Variants in SLC35F3 observed in about 807,000 individuals in gnomAD.
SLC35F3 encodes the protein putative thiamine transporter SLC35F3.
A neutral mutation model predicts 49.9 loss-of-function variants in SLC35F3; 25 were observed. That is an observed-to-expected ratio of 0.50 (90% CI 0.37 to 0.70). The LOEUF (loss-of-function observed/expected upper bound fraction) is 0.70. Ranked by LOEUF, SLC35F3 falls within the 30% of genes least tolerant of loss-of-function variation. The probability of loss-of-function intolerance (pLI) is 0.00; values close to 1 mark genes in which losing one functional copy is unlikely to be tolerated. For missense variants in SLC35F3, 525 were observed against 639.8 expected, an observed-to-expected ratio of 0.82 and a Z score of 1.94; for synonymous variants, 275 against 265.4, an observed-to-expected ratio of 1.04 and a Z score of -0.35.
intron 2 of SLC35F3, among the ~76,000 whole-genome samples, chr1:234,032,488 A>G (rs1472540438): frequency 2.0e-5 from 3 of 152,114 alleles, no homozygotes; most frequent in Non-Finnish European, 4.4e-5. Context: ...TACACAGAGT[A>G]CAGTTTTATT....
intron 3 of SLC35F3, among the ~76,000 whole-genome samples, chr1:234,250,169 A>G (rs1373507334): frequency 1.3e-5 from 2 of 152,210 alleles, no homozygotes; most frequent in African/African-American, 4.8e-5. Context: ...AAAATAAGAG[A>G]TAGATGGAAC....
rs373185559 is a variant in SLC35F3 at position 233,972,910 on chromosome 1, A to G, written c.283+67152A>G. ...TAACAAGGCTGGAAATCAACGGCAG[A>G]CAGCCCTGACCCAGGGCCACCTGAG... On this transcript the variant is annotated intron_variant, in intron 2 of 7. Transcript: ENST00000366618. 1.3e-3 allele frequency among the ~76,000 whole-genome samples: 203 copies of G among 152,350 alleles called. 4 individuals are homozygous for G. The South Asian group carries it at 0.04, about 30-fold the overall frequency.
At chr1:234,190,779 G>A (rs1275913664) in intron 2 of SLC35F3, among the ~76,000 whole-genome samples, 2 of 152,152 alleles carry the variant, frequency 1.3e-5, no homozygotes, top group East Asian at 3.8e-4. Context: ...TATTTCATCA[G>A]TGTGGCCGAC....
At chr1:234,212,384 C>G (rs896368689) in intron 2 of SLC35F3, among the ~76,000 whole-genome samples, 1 of 152,208 alleles carries the variant, frequency 6.6e-6, no homozygotes, top group African/African-American at 2.4e-5. Context: ...CACATTCAAA[C>G]TTGACACGTA....
At chr1:234,205,897 T>TG (rs1208223502) in intron 2 of SLC35F3, among the ~76,000 whole-genome samples, 10 of 150,510 alleles carry the variant, frequency 6.6e-5, no homozygotes, top group African/African-American at 2.4e-4. Flanking sequence ...CCAGGGGACC[T>TG]GGGGGTGCAG....
chr1:234,296,434 G>C lies in SLC35F3; in HGVS notation c.609-12667G>C, dbSNP rs758466205. ...ATGGACTCTTTAGAATAGGAAGAGT[G>C]GTTTCTGATATGGAGAGGCTGTTTC... On this transcript the variant is annotated intron_variant, in intron 3 of 7. Coordinates refer to ENST00000366618, the MANE Select transcript of SLC35F3 (RefSeq NM_173508.4). Among the ~76,000 whole-genome samples the C allele has an allele frequency of 2.0e-4, 31 of 152,334 alleles. No homozygotes were observed. The Middle Eastern group carries it at 0.014, about 67-fold the overall frequency.
At chr1:234,007,020 G>A (rs1663640515) in intron 2 of SLC35F3, among the ~76,000 whole-genome samples, 1 of 152,072 alleles carries the variant, frequency 6.6e-6, no homozygotes. Context: ...CAACTCTGCT[G>A]CTGTTGATCC....
At chr1:233,912,615 CAGTGGATACT>C (rs1158019421) in intron 2 of SLC35F3, among the ~76,000 whole-genome samples, 1 of 152,188 alleles carries the variant, frequency 6.6e-6, no homozygotes, top group Admixed American at 6.5e-5. Flanking sequence ...CCAGGCCCCC[CAGTGGATACT>C]GTGGATAGTA....
At chr1:233,955,600 C>G (rs372557531) in intron 2 of SLC35F3, among the ~76,000 whole-genome samples, 1 of 152,056 alleles carries the variant, frequency 6.6e-6, no homozygotes, top group African/African-American at 2.4e-5. Flanking sequence ...CTTCTGCCCC[C>G]CTGTCTTGCT....
intron 2 of SLC35F3, among the ~76,000 whole-genome samples, chr1:234,010,698 C>T (rs1663704072): frequency 6.6e-6 from 1 of 151,988 alleles, no homozygotes; most frequent in Non-Finnish European, 1.5e-5. Context: ...CCTTTAGATC[C>T]TTGAATATTT....
chr1:234,185,261 C>A (rs1666625774), intron 2 of SLC35F3, among the ~76,000 whole-genome samples: 1 of 152,050 alleles, frequency 6.6e-6, no homozygotes, highest in African/African-American at 2.4e-5. Flanking sequence ...CTTTGGGAGG[C>A]AAAACCATCA....
intron 2 of SLC35F3, among the ~76,000 whole-genome samples, chr1:234,071,767 A>G (rs878935451): frequency 1.3e-5 from 2 of 152,230 alleles, no homozygotes; most frequent in Admixed American, 1.3e-4. Flanking sequence ...AGCTCCTCCC[A>G]AACTCCGTAC....
In SLC35F3 at chr1:233,937,764, A is replaced by G. The variant is rs140376234; in HGVS notation, c.283+32006A>G. On this transcript the variant is annotated intron_variant, in intron 2 of 7. Transcript: ENST00000366618. The stretch of plus-strand genomic sequence containing the variant: ...GCTATAATTTAGCAAAAGAAGATGA[A>G]GGTCACAACTAAGGCTGGGTCAGTG... Among the ~76,000 whole-genome samples the G allele has an allele frequency of 5.5e-3, 841 of 152,334 alleles. 8 individuals are homozygous for G. Among genetic ancestry groups the G allele is most frequent in the African/African-American group, 0.019 (796 of 41,578 alleles).
At position 233,997,098 on chromosome 1, in the gene SLC35F3, C is replaced by G. The variant is rs542212760; in HGVS notation, c.283+91340C>G. On this transcript the variant is annotated intron_variant, in intron 2 of 7. Transcript: ENST00000366618. ...AAATGACAGGATTTCCGTCTTTTTT[C>G]AGGCTGACTATTCCATTGCATATAT... is the stretch of plus-strand genomic sequence containing the variant. Among the ~76,000 whole-genome samples the G allele has an allele frequency of 1.4e-3, 216 of 152,230 alleles. 1 individual carries two copies. Among genetic ancestry groups the G allele is most frequent in the African/African-American group, 4.8e-3 (201 of 41,544 alleles).
chr1:233,973,807 C>T (rs1663032318), intron 2 of SLC35F3, among the ~76,000 whole-genome samples: 1 of 152,208 alleles, frequency 6.6e-6, no homozygotes, highest in Admixed American at 6.5e-5. Flanking sequence ...TGAACAGGTT[C>T]AGCTTTTGCT....
intron 2 of SLC35F3, among the ~76,000 whole-genome samples, chr1:234,215,275 C>T (rs1316566332): frequency 6.6e-6 from 1 of 152,204 alleles, no homozygotes; most frequent in Non-Finnish European, 1.5e-5. Flanking sequence ...CTGCTCCCAC[C>T]CAGGAAATGT....
chr1:234,091,803 A>C (rs555264168), intron 2 of SLC35F3, among the ~76,000 whole-genome samples: 1 of 152,274 alleles, frequency 6.6e-6, no homozygotes, highest in East Asian at 1.9e-4. Context: ...TATCTTAAAC[A>C]GTTGTTTTAG....
chr1:234,221,189 G>T (rs1193239330), intron 2 of SLC35F3, among the ~76,000 whole-genome samples: 2 of 152,142 alleles, frequency 1.3e-5, no homozygotes, highest in Non-Finnish European at 2.9e-5. Flanking sequence ...CAGCCAGATT[G>T]CAAGGGTGGG....
At chr1:233,989,156 C>T (rs1663315458) in intron 2 of SLC35F3, among the ~76,000 whole-genome samples, 1 of 152,204 alleles carries the variant, frequency 6.6e-6, no homozygotes, top group African/African-American at 2.4e-5. Context: ...CCTGACATAG[C>T]AAGCTGGACA....
Sources: gnomAD v4.1 joint callset for allele counts (sites outside exome capture counted in the v4.1 genomes callset) on GRCh38, gnomAD v4.1.1 for gene constraint, MANE v1.5 for transcripts, NCBI Gene and HGNC (gene_info 2026-07-23, HGNC 2026-07-21) for gene names.